FBXL7: variants seen among roughly 807,000 people sequenced by gnomAD.
FBXL7 encodes the protein F-box/LRR-repeat protein 7.
In FBXL7, 12 loss-of-function variants were observed where a neutral mutation model predicts 38.3. The ratio of observed to expected loss-of-function variants is 0.31; its 90% confidence interval spans 0.20 to 0.51. FBXL7 has a LOEUF of 0.51. Among genes scored for constraint, FBXL7 ranks in the 20% least tolerant of loss-of-function variants. The pLI, the probability that FBXL7 is intolerant of heterozygous loss-of-function variation, is 0.98. For synonymous variants in FBXL7, 297 were observed against 300.9 expected (o/e 0.99, Z 0.13); for missense variants, 567 against 676.4 (o/e 0.84, Z 1.79).
chr5:15,892,839 C>T (rs1208151977), intron 2 of FBXL7, among the ~76,000 whole-genome samples: 4 of 152,134 alleles, frequency 2.6e-5, no homozygotes, highest in East Asian at 1.9e-4. Context: ...AGGCTTAGGC[C>T]GGGCGCGGTG....
chr5:15,808,376 T>G (rs975138948), intron 2 of FBXL7, among the ~76,000 whole-genome samples: 1 of 152,144 alleles, frequency 6.6e-6, no homozygotes, highest in Non-Finnish European at 1.5e-5. Flanking sequence ...TATTTCCAGT[T>G]GTAAATCCTT....
intron 1 of FBXL7, among the ~76,000 whole-genome samples, chr5:15,575,897 A>T (rs1025442245): frequency 3.3e-5 from 5 of 152,184 alleles, no homozygotes; most frequent in African/African-American, 1.2e-4. Flanking sequence ...GGAACCTATC[A>T]ACATAGAGGT....
At chr5:15,526,701 C>T (rs1442463706) in intron 1 of FBXL7, among the ~76,000 whole-genome samples, 1 of 152,080 alleles carries the variant, frequency 6.6e-6, no homozygotes, top group Non-Finnish European at 1.5e-5. Flanking sequence ...GAAACTCTAG[C>T]TAAATGAAGA....
At chr5:15,658,437 C>T (rs1741949693) in intron 2 of FBXL7, among the ~76,000 whole-genome samples, 1 of 152,044 alleles carries the variant, frequency 6.6e-6, no homozygotes, top group Non-Finnish European at 1.5e-5. Flanking sequence ...GGCAGTTTCC[C>T]CCATCGTGTT....
At chr5:15,628,781 A>G (rs1025849244) in intron 2 of FBXL7, among the ~76,000 whole-genome samples, 2 of 152,160 alleles carry the variant, frequency 1.3e-5, no homozygotes, top group African/African-American at 4.8e-5. Flanking sequence ...ATTAAAAATT[A>G]CTATTCTTTT....
chr5:15,547,966 A>G (rs1287782097), intron 1 of FBXL7, among the ~76,000 whole-genome samples: 5 of 152,318 alleles, frequency 3.3e-5, no homozygotes, highest in South Asian at 4.1e-4. Context: ...AGCACTGCAG[A>G]AAGATGAGAG....
intron 1 of FBXL7, among the ~76,000 whole-genome samples, chr5:15,574,327 A>G (rs1738889156): frequency 6.6e-6 from 1 of 152,226 alleles, no homozygotes; most frequent in African/African-American, 2.4e-5. Context: ...CTTATTAAGC[A>G]ATAATTTACC....
At chr5:15,507,875 T>C (rs897990996) in intron 1 of FBXL7, among the ~76,000 whole-genome samples, 3 of 151,922 alleles carry the variant, frequency 2.0e-5, no homozygotes, top group Non-Finnish European at 4.4e-5. Flanking sequence ...AAACCCGGTG[T>C]CTACTAAAAA....
Position 15,937,321 on chromosome 5 carries a change from T to G in FBXL7, c.*135T>G, listed in dbSNP as rs75174221. 3.6e-4 allele frequency: 408 copies of G among 1,118,002 alleles called. 1 individual carries two copies. The African/African-American group carries it at 5.6e-3, about 15-fold the overall frequency. The allele number at this position is 1,118,002 out of a possible 1,614,324, so 69.3% of individuals were successfully genotyped here. A position where few individuals can be genotyped will look rare whatever the true frequency, so the allele number is the denominator to read the frequency against. ...GGGAAGGTTATTAGGAATCTGGCCT[T>G]TATTTTTCCTCATTTCTCATGGGCA... On this transcript the variant is annotated 3_prime_UTR_variant, in exon 4 of 4. Transcript: ENST00000504595.
chr5:15,844,144 G>A (rs1738828439), intron 2 of FBXL7, among the ~76,000 whole-genome samples: 1 of 152,142 alleles, frequency 6.6e-6, no homozygotes, highest in African/African-American at 2.4e-5. Flanking sequence ...AAATTTGGAT[G>A]TCTGCTTTTT....
At chr5:15,806,580 C>G (rs911114304) in intron 2 of FBXL7, among the ~76,000 whole-genome samples, 1 of 152,000 alleles carries the variant, frequency 6.6e-6, no homozygotes, top group African/African-American at 2.4e-5. Context: ...CACTGGGGCA[C>G]GGTGTAGAGT....
At chr5:15,774,974 A>G (rs1736822382) in intron 2 of FBXL7, among the ~76,000 whole-genome samples, 1 of 152,238 alleles carries the variant, frequency 6.6e-6, no homozygotes, top group Non-Finnish European at 1.5e-5. Context: ...GTGCCTGAGC[A>G]TTAAATGGAT....
intron 1 of FBXL7, among the ~76,000 whole-genome samples, chr5:15,518,746 T>A (rs1737014488): frequency 6.6e-6 from 1 of 151,512 alleles, no homozygotes; most frequent in Non-Finnish European, 1.5e-5. Context: ...GCCGGGAGAG[T>A]GAATCAGGCC....
Position 15,897,668 on chromosome 5 carries a change from C to T in FBXL7, c.128-30222C>T, listed in dbSNP as rs149659569. ...GGTGGGAGAGTTTAGGCTATGCTCC[C>T]GGAAATAGGGAATAGTCTAGTTTTT... On this transcript the variant is annotated intron_variant, in intron 2 of 3. Coordinates refer to ENST00000504595, the MANE Select transcript of FBXL7 (RefSeq NM_012304.5). Among the ~76,000 whole-genome samples the T allele has an allele frequency of 2.6e-3, 398 of 152,140 alleles. 1 individual carries two copies. Among genetic ancestry groups the T allele is most frequent in the Admixed American group, 4.3e-3 (66 of 15,286 alleles).
At chr5:15,906,351 A>G (rs1355165769) in intron 2 of FBXL7, among the ~76,000 whole-genome samples, 1 of 151,886 alleles carries the variant, frequency 6.6e-6, no homozygotes, top group East Asian at 1.9e-4. Context: ...CTCAGAAATT[A>G]TAGGCTGTTG....
At chr5:15,634,426 A>G (rs1422027396) in intron 2 of FBXL7, among the ~76,000 whole-genome samples, 1 of 148,398 alleles carries the variant, frequency 6.7e-6, no homozygotes, top group Non-Finnish European at 1.5e-5. Context: ...AGTTCAAGCA[A>G]TTCTCCTGCC....
At chr5:15,806,933 T>C (rs1247641384) in intron 2 of FBXL7, among the ~76,000 whole-genome samples, 1 of 152,068 alleles carries the variant, frequency 6.6e-6, no homozygotes, top group Non-Finnish European at 1.5e-5. Context: ...TATGGTACAA[T>C]TGCATTTTTC....
At chr5:15,842,067 C>G (rs943783143) in intron 2 of FBXL7, among the ~76,000 whole-genome samples, 1 of 152,218 alleles carries the variant, frequency 6.6e-6, no homozygotes, top group African/African-American at 2.4e-5. Context: ...CTCCAGAACC[C>G]AGAGTGGTAG....
At chr5:15,707,085 T>A (rs1743703950) in intron 2 of FBXL7, among the ~76,000 whole-genome samples, 1 of 151,964 alleles carries the variant, frequency 6.6e-6, no homozygotes, top group Non-Finnish European at 1.5e-5. Context: ...TTAAGGTATA[T>A]ATTTAACATT....
Sources: allele counts gnomAD v4.1 joint callset (sites outside exome capture counted in the v4.1 genomes callset), GRCh38; gene constraint gnomAD v4.1.1; transcripts MANE v1.5; gene names NCBI Gene and HGNC (gene_info 2026-07-23, HGNC 2026-07-21).